Variants in QTMAN observed in about 807,000 individuals in gnomAD.
The protein encoded by QTMAN is queuosine-tRNA mannosyltransferase.
chr2:144,019,383 T>C, the QTMAN span, among the ~76,000 whole-genome samples: 1 of 150,046 alleles, frequency 6.7e-6, no homozygotes, highest in Non-Finnish European at 1.5e-5. Context: ...AGCAGATGGA[T>C]GAGCGGTGGT....
the QTMAN span, among the ~76,000 whole-genome samples, chr2:144,073,360 G>C: frequency 6.6e-6 from 1 of 151,892 alleles, no homozygotes; most frequent in African/African-American, 2.4e-5. Flanking sequence ...TTACTCTCCT[G>C]TGAAAGAAAG....
chr2:144,126,459 A>G, the QTMAN span, among the ~76,000 whole-genome samples: 1 of 151,978 alleles, frequency 6.6e-6, no homozygotes, highest in South Asian at 2.1e-4. Context: ...CAACCTGGTT[A>G]TGATTGTGGT....
chr2:143,963,970 A>G, the QTMAN span: 1 of 152,158 alleles, frequency 6.6e-6, no homozygotes, highest in Non-Finnish European at 1.5e-5. Context: ...ATCGACTTCA[A>G]ATGCATGCTA....
At chr2:144,234,747 A>C in the QTMAN span, among the ~76,000 whole-genome samples, 1 of 152,174 alleles carries the variant, frequency 6.6e-6, no homozygotes, top group Non-Finnish European at 1.5e-5. Context: ...GAGCCTATCT[A>C]ATTTCCGGCA....
At chr2:144,021,314 A>T in the QTMAN span, among the ~76,000 whole-genome samples, 1 of 152,204 alleles carries the variant, frequency 6.6e-6, no homozygotes, top group African/African-American at 2.4e-5. Context: ...GAAATAAATG[A>T]TTTTTAAATA....
the QTMAN span, among the ~76,000 whole-genome samples, chr2:144,242,728 G>A: frequency 1.9e-3 from 296 of 152,118 alleles, 1 homozygote; most frequent in African/African-American, 6.5e-3. Context: ...TTGGGAGGCC[G>A]AGGCAGGTGG....
At chr2:144,274,409 T>C in the QTMAN span, among the ~76,000 whole-genome samples, 1 of 152,198 alleles carries the variant, frequency 6.6e-6, no homozygotes, top group African/African-American at 2.4e-5. Flanking sequence ...ACCCTCAGGA[T>C]GGGGGCTGGT....
At chr2:144,265,826 G>A in the QTMAN span, among the ~76,000 whole-genome samples, 1 of 152,078 alleles carries the variant, frequency 6.6e-6, no homozygotes, top group African/African-American at 2.4e-5. Context: ...AGTTACTCAG[G>A]TAAAATTAAT....
At chr2:144,059,198 T>C in the QTMAN span, among the ~76,000 whole-genome samples, 1 of 152,132 alleles carries the variant, frequency 6.6e-6, no homozygotes, top group Non-Finnish European at 1.5e-5. Context: ...CATGCCATAG[T>C]TTTTGTGCCT....
the QTMAN span, among the ~76,000 whole-genome samples, chr2:144,316,832 A>G: frequency 2.0e-5 from 3 of 152,212 alleles, no homozygotes; most frequent in South Asian, 2.1e-4. Flanking sequence ...TCAGACAATC[A>G]CCAGAAAGAA....
chr2:144,263,420 G>C, the QTMAN span, among the ~76,000 whole-genome samples: 1 of 152,054 alleles, frequency 6.6e-6, no homozygotes, highest in Admixed American at 6.5e-5. Context: ...CACTATATTT[G>C]GGTCCTGGTC....
the QTMAN span, among the ~76,000 whole-genome samples, chr2:143,978,779 T>C: frequency 3.0e-3 from 463 of 152,364 alleles, 2 homozygotes; most frequent in African/African-American, 0.011. Flanking sequence ...CTTTCCATTT[T>C]CTGTAATCAA....
At chr2:144,255,234 T>C in the QTMAN span, among the ~76,000 whole-genome samples, 202 of 152,226 alleles carry the variant, frequency 1.3e-3, no homozygotes, top group Non-Finnish European at 2.3e-3. Context: ...TCATCTTGAA[T>C]TGTAGTTCTC....
At chr2:144,245,257 T>C in the QTMAN span, among the ~76,000 whole-genome samples, 1 of 152,248 alleles carries the variant, frequency 6.6e-6, no homozygotes, top group Non-Finnish European at 1.5e-5. Flanking sequence ...TGATATGTCA[T>C]ATGGTACATC....
At chr2:143,965,223 T>G in the QTMAN span, among the ~76,000 whole-genome samples, 1 of 152,152 alleles carries the variant, frequency 6.6e-6, no homozygotes, top group African/African-American at 2.4e-5. Context: ...TTTCCAATTT[T>G]CTGAATAAAA....
chr2:144,313,394 T>C, the QTMAN span, among the ~76,000 whole-genome samples: 1 of 152,180 alleles, frequency 6.6e-6, no homozygotes, highest in Admixed American at 6.5e-5. Context: ...CATTCTATTA[T>C]CAAAAGTGTA....
the QTMAN span, among the ~76,000 whole-genome samples, chr2:144,130,596 A>G: frequency 6.6e-6 from 1 of 151,928 alleles, no homozygotes; most frequent in East Asian, 1.9e-4. Flanking sequence ...ATTAAAAATA[A>G]TAACAACAAT....
At chr2:144,105,238 G>A in the QTMAN span, among the ~76,000 whole-genome samples, 11 of 152,226 alleles carry the variant, frequency 7.2e-5, no homozygotes, top group Non-Finnish European at 1.2e-4. Context: ...GCCAGCAACA[G>A]AGCAAAGCTG....
the QTMAN span, among the ~76,000 whole-genome samples, chr2:144,009,371 G>A: frequency 6.6e-6 from 1 of 152,036 alleles, no homozygotes; most frequent in African/African-American, 2.4e-5. Context: ...ACAGGGAGAG[G>A]GCGTTAAATA....
Sources: allele counts gnomAD v4.1 joint callset (sites outside exome capture counted in the v4.1 genomes callset), GRCh38; gene constraint gnomAD v4.1.1; transcripts MANE v1.5; gene names NCBI Gene and HGNC (gene_info 2026-07-23, HGNC 2026-07-21).